ARHGAP15: variants seen among roughly 807,000 people sequenced by gnomAD.
ARHGAP15 encodes the protein rho GTPase-activating protein 15.
In ARHGAP15, 51 loss-of-function variants were observed where a neutral mutation model predicts 63.7. That is an observed-to-expected ratio of 0.80 (90% confidence interval 0.64 to 1.01). ARHGAP15 has a LOEUF of 1.01. ARHGAP15 is among the 50% of genes least tolerant of loss of function. The probability of loss-of-function intolerance (pLI) is 0.00; values close to 1 mark genes in which losing one functional copy is unlikely to be tolerated. For missense variants in ARHGAP15, 560 were observed against 564.6 expected (o/e 0.99, Z 0.08); for synonymous variants, 191 against 193.8 (o/e 0.99, Z 0.12).
chr2:143,250,613 C>T lies in ARHGAP15; in HGVS notation c.474+13C>T. Reference sequence around the variant, plus strand: ...GAATGTCTTTCAGGTAAGAATGTTACATATATTCAATTTATTCCTATTCTC... The same window carrying T: ...GAATGTCTTTCAGGTAAGAATGTTATATATATTCAATTTATTCCTATTCTC... On this transcript the variant is annotated intron_variant, in intron 6 of 13. Coordinates refer to ENST00000295095, the MANE Select transcript of ARHGAP15 (RefSeq NM_018460.4). 1.3e-6 allele frequency: 2 copies of T among 1,599,948 alleles called. No individual in the cohort carries two copies. The highest frequency in any genetic ancestry group is 1.7e-6 in the Non-Finnish European group (2 of 1,167,988).
intron 13 of ARHGAP15, among the ~76,000 whole-genome samples, chr2:143,722,251 C>T (rs919582420): frequency 1.3e-5 from 2 of 151,926 alleles, no homozygotes; most frequent in East Asian, 1.9e-4. Flanking sequence ...TGGTTTTCTA[C>T]GTTTAGACAT....
At chr2:143,249,882 ATAGTCT>A (rs1680062121) in intron 5 of ARHGAP15, among the ~76,000 whole-genome samples, 1 of 152,130 alleles carries the variant, frequency 6.6e-6, no homozygotes, top group African/African-American at 2.4e-5. Flanking sequence ...ATTTGTGTGT[ATAGTCT>A]TAAAGTCTGA....
chr2:143,141,416 T>C (rs1275066932), intron 1 of ARHGAP15, among the ~76,000 whole-genome samples: 2 of 152,042 alleles, frequency 1.3e-5, no homozygotes, highest in Admixed American at 6.6e-5. Context: ...CACTGACAAA[T>C]ACAGTGTCTG....
At chr2:143,216,512 C>G (rs1558819703) in intron 4 of ARHGAP15, 67 bp downstream of exon 4, 1 of 1,229,544 alleles carries the variant, frequency 8.1e-7, no homozygotes. Context: ...ACTTGTGCCA[C>G]TGTTATTGTT....
At chr2:143,238,435 T>TG (rs1343329871) in intron 5 of ARHGAP15, 1 of 151,710 alleles carries the variant, frequency 6.6e-6, no homozygotes, top group Non-Finnish European at 1.5e-5. Context: ...CCAAAAAACA[T>TG]GAAAAAAAGC....
intron 6 of ARHGAP15, among the ~76,000 whole-genome samples, chr2:143,415,316 C>T (rs1688627284): frequency 6.6e-6 from 1 of 151,298 alleles, no homozygotes; most frequent in Non-Finnish European, 1.5e-5. Context: ...AATTTTAAAA[C>T]CATAAAATTT....
At chr2:143,548,805 G>A (rs527911520) in intron 10 of ARHGAP15, among the ~76,000 whole-genome samples, 1 of 141,064 alleles carries the variant, frequency 7.1e-6, no homozygotes, top group East Asian at 2.1e-4. Context: ...CAATAATTGT[G>A]TCTATGAAGC....
chr2:143,418,336 C>T (rs2105044176), intron 6 of ARHGAP15, among the ~76,000 whole-genome samples: 1 of 152,280 alleles, frequency 6.6e-6, no homozygotes, highest in East Asian at 1.9e-4. Flanking sequence ...TCAAGTTCTT[C>T]TCCAGGCCTC....
intron 12 of ARHGAP15, among the ~76,000 whole-genome samples, chr2:143,665,638 G>A (rs1682124466): frequency 1.9e-5 from 2 of 104,704 alleles, no homozygotes; most frequent in Admixed American, 2.2e-4. Context: ...GTCCCTGTTT[G>A]CAGACGACAT....
At chr2:143,253,005 C>T (rs183453022) in intron 6 of ARHGAP15, among the ~76,000 whole-genome samples, 3 of 151,964 alleles carry the variant, frequency 2.0e-5, no homozygotes, top group Non-Finnish European at 4.4e-5. Context: ...AGTGTTTCTT[C>T]CTGACTGAAA....
chr2:143,429,587 A>G (rs976445502), intron 6 of ARHGAP15, among the ~76,000 whole-genome samples: 17 of 152,138 alleles, frequency 1.1e-4, no homozygotes, highest in Non-Finnish European at 2.4e-4. Context: ...ATAAATGTAC[A>G]TGCAAATCAA....
chr2:143,360,483 C>T (rs1686000544), intron 6 of ARHGAP15, among the ~76,000 whole-genome samples: 1 of 149,998 alleles, frequency 6.7e-6, no homozygotes, highest in Admixed American at 6.6e-5. Flanking sequence ...AGCAACAAGT[C>T]AACACGATAT....
intron 12 of ARHGAP15, among the ~76,000 whole-genome samples, chr2:143,664,630 C>T (rs1332035333): frequency 1.3e-5 from 2 of 151,464 alleles, no homozygotes; most frequent in African/African-American, 4.8e-5. Context: ...AATCCAGGAG[C>T]TGGTTTTTTG....
intron 6 of ARHGAP15, among the ~76,000 whole-genome samples, chr2:143,408,089 C>T (rs1306929550): frequency 7.4e-6 from 1 of 135,948 alleles, no homozygotes; most frequent in East Asian, 2.1e-4. Flanking sequence ...AATGTCTGTG[C>T]CTGTGCCTGA....
At chr2:143,509,025 G>A (rs891970612) in intron 9 of ARHGAP15, among the ~76,000 whole-genome samples, 1 of 152,138 alleles carries the variant, frequency 6.6e-6, no homozygotes, top group South Asian at 2.1e-4. Context: ...ACTCATCTTT[G>A]GGCTGCCTTG....
At chr2:143,392,495 G>A (rs1245753395) in intron 6 of ARHGAP15, among the ~76,000 whole-genome samples, 1 of 152,108 alleles carries the variant, frequency 6.6e-6, no homozygotes, top group African/African-American at 2.4e-5. Flanking sequence ...CCTATATGAT[G>A]TGGCATGTTC....
chr2:143,679,642 GGTGC>G lies in ARHGAP15; in HGVS notation c.1139-23773_1139-23770del, dbSNP rs555586405. Among the ~76,000 whole-genome samples the G allele has an allele frequency of 1.0e-3, 67 of 66,378 alleles. 1 individual carries two copies. The South Asian group carries it at 0.057, about 57-fold the overall frequency. 43.5% of individuals were successfully genotyped at this position (66,378 alleles called of 152,430 possible). A position where few individuals can be genotyped will look rare whatever the true frequency, so the allele number is the denominator to read the frequency against. On this transcript the variant is annotated intron_variant, in intron 12 of 13. Transcript: ENST00000295095. ...ATGTTGTTTATTTCTTGAATGAGGG[GGTGC>G]GTGTGTGCGTGTGTGTGTGTGTGTG...
At chr2:143,635,391 A>T (rs996857079) in intron 12 of ARHGAP15, among the ~76,000 whole-genome samples, 4 of 151,738 alleles carry the variant, frequency 2.6e-5, no homozygotes, top group African/African-American at 9.7e-5. Flanking sequence ...ATAAGAATGG[A>T]TCCTTTACCC....
At chr2:143,366,148 C>T (rs186476323) in intron 6 of ARHGAP15, among the ~76,000 whole-genome samples, 1 of 152,228 alleles carries the variant, frequency 6.6e-6, no homozygotes. Flanking sequence ...TAGATAGTCT[C>T]TCTCTTATTA....
Sources: gnomAD v4.1 joint callset for allele counts (sites outside exome capture counted in the v4.1 genomes callset) on GRCh38, gnomAD v4.1.1 for gene constraint, MANE v1.5 for transcripts, NCBI Gene and HGNC (gene_info 2026-07-23, HGNC 2026-07-21) for gene names.